Variants in KCNQ1 observed in about 807,000 individuals in gnomAD.
KCNQ1 encodes the protein potassium voltage-gated channel subfamily Q member 1, also known as potassium voltage-gated channel subfamily KQT member 1.
In KCNQ1, 49 loss-of-function variants were observed where a neutral mutation model predicts 72.4. That is an observed-to-expected ratio of 0.68 (90% CI 0.54 to 0.86). KCNQ1 has a LOEUF of 0.86. KCNQ1 is among the 40% of genes least tolerant of loss of function. KCNQ1 has a pLI of 0.00. For synonymous variants in KCNQ1, 450 were observed against 412.6 expected (o/e 1.09, Z -1.10); for missense variants, 790 against 945.1 (o/e 0.84, Z 2.15).
chr11:2,472,536 C>T (rs1846501666), intron 1 of KCNQ1, among the ~76,000 whole-genome samples: 1 of 152,058 alleles, frequency 6.6e-6, no homozygotes, highest in African/African-American at 2.4e-5. Flanking sequence ...GAAGGAGGGT[C>T]GTGGCCTGGG....
In KCNQ1 at chr11:2,662,372, C is replaced by G. The variant is rs113193765; in HGVS notation, c.1514+291C>G. 0.014 allele frequency: 7,594 copies of G among 540,246 alleles called. 425 individuals are homozygous for G. The highest frequency in any genetic ancestry group is 0.12 in the African/African-American group (6,605 of 52,994). 33.5% of individuals were successfully genotyped at this position (540,246 alleles called of 1,614,324 possible). A position where few individuals can be genotyped will look rare whatever the true frequency, so the allele number is the denominator to read the frequency against. On this transcript the variant is annotated intron_variant, in intron 11 of 15. Transcript: ENST00000155840. The stretch of plus-strand genomic sequence containing the variant: ...TGAGAGTCTGAGATTGTTTTTCTCT[C>G]CCCCAGCCCCCTCCCCTGCCCCCCA...
intron 11 of KCNQ1, among the ~76,000 whole-genome samples, chr11:2,760,754 TACTGAAATGGGAA>T (rs562767405): frequency 1.4e-4 from 21 of 152,228 alleles, no homozygotes; most frequent in Non-Finnish European, 2.5e-4. Flanking sequence ...GCATCAGTGC[TACTGAAATGGGAA>T]AGGTTTCCTT....
Position 2,493,340 on chromosome 11 carries a change from A to T in KCNQ1, c.387-34588A>T, listed in dbSNP as rs1232216200. On this transcript the variant is annotated intron_variant, in intron 1 of 15. Transcript: ENST00000155840. The surrounding 1 kb of genome is among the most constrained non-coding windows in gnomAD (Gnocchi z 5.3). ...ATGCTAGCTTCTTTTACTGTGCAGAAGCTCTTTAGTTTAATTAGATCCCAT... is the reference window on the plus strand; with the variant it reads ...ATGCTAGCTTCTTTTACTGTGCAGATGCTCTTTAGTTTAATTAGATCCCAT... 2.0e-5 allele frequency among the ~76,000 whole-genome samples: 3 copies of T among 151,886 alleles called. No individual in the cohort carries two copies. The highest frequency in any genetic ancestry group is 4.4e-5 in the Non-Finnish European group (3 of 67,982).
chr11:2,698,444 AC>A lies in KCNQ1; in HGVS notation c.1514+36365del, dbSNP rs35957135. ...CTTCAAGCCTACTACCCAGACTGAG[AC>A]CTGCATCTGATCAACTCTCATCTCC... On this transcript the variant is annotated intron_variant, in intron 11 of 15. Transcript: ENST00000155840. This position sits in a 1 kb window ranked among gnomAD's most constrained non-coding sequence, Gnocchi z 5.1. The A allele has an allele frequency of 0.36, 144,175 of 398,058 alleles. 30,090 individuals are homozygous for A. Among genetic ancestry groups the A allele is most frequent in the East Asian group, 0.83 (23,265 of 28,040 alleles). The allele number at this position is 398,058 out of a possible 1,614,324, so 24.7% of individuals were successfully genotyped here.
intron 11 of KCNQ1, chr11:2,692,741 C>A (rs529443506): frequency 5.0e-6 from 2 of 398,662 alleles, no homozygotes; most frequent in African/African-American, 4.1e-5. Flanking sequence ...CCTATCAAAT[C>A]CCTCCCTCTG....
At position 2,687,940 on chromosome 11, in the gene KCNQ1, C is replaced by T. The variant is rs1049308490; in HGVS notation, c.1514+25859C>T. On this transcript the variant is annotated intron_variant, in intron 11 of 15. Coordinates refer to ENST00000155840, the MANE Select transcript of KCNQ1 (RefSeq NM_000218.3). The surrounding 1 kb of genome is among the most constrained non-coding windows in gnomAD (Gnocchi z 5.0). Reference sequence around the variant, plus strand: ...CAGTTGTGAGGCTGCACTTCTCCCACCCGCTGTGGGTCAGCCAGGCCGCTG... The same window carrying T: ...CAGTTGTGAGGCTGCACTTCTCCCATCCGCTGTGGGTCAGCCAGGCCGCTG... 3.5e-5 allele frequency: 14 copies of T among 398,666 alleles called. No homozygotes were observed. Among genetic ancestry groups the T allele is most frequent in the Non-Finnish European group, 6.2e-5 (14 of 226,186 alleles). The allele number at this position is 398,666 out of a possible 1,614,324, so 24.7% of individuals were successfully genotyped here. A position where few individuals can be genotyped will look rare whatever the true frequency, so the allele number is the denominator to read the frequency against.
Position 2,475,856 on chromosome 11 carries a change from A to G in KCNQ1, c.386+30372A>G, listed in dbSNP as rs1846561764. ...TTTTGCCTGCCACCATCCACGTAAG[A>G]TGGGACTTGGTCCTCCTTGCCTTCC... On this transcript the variant is annotated intron_variant, in intron 1 of 15. Coordinates refer to ENST00000155840, the MANE Select transcript of KCNQ1 (RefSeq NM_000218.3). The surrounding 1 kb of genome is among the most constrained non-coding windows in gnomAD (Gnocchi z 5.8). Among the ~76,000 whole-genome samples, 1 of 152,190 alleles carries G rather than the reference A, an allele frequency of 6.6e-6. No homozygotes were observed. The highest frequency in any genetic ancestry group is 2.4e-5 in the African/African-American group (1 of 41,448).
intron 11 of KCNQ1, among the ~76,000 whole-genome samples, chr11:2,706,403 T>G (rs1329204333): frequency 6.6e-6 from 1 of 152,184 alleles, no homozygotes; most frequent in African/African-American, 2.4e-5. Context: ...GAGTGGATCC[T>G]CCAGCCCCAG....
In KCNQ1 at chr11:2,510,001, G is replaced by A. The variant is rs1292905300; in HGVS notation, c.387-17927G>A. The stretch of plus-strand genomic sequence containing the variant: ...AAGGCTAATTGGGATCGGTCGTGGT[G>A]CCTCAGGCCTGTCAATCCAGTACAC... On this transcript the variant is annotated intron_variant, in intron 1 of 15. Transcript: ENST00000155840. 2.6e-5 allele frequency among the ~76,000 whole-genome samples: 4 copies of A among 152,146 alleles called. No homozygotes were observed. The East Asian group carries it at 7.7e-4, about 29-fold the overall frequency.
At chr11:2,552,260 C>T (rs147812595) in intron 2 of KCNQ1, among the ~76,000 whole-genome samples, 10 of 152,084 alleles carry the variant, frequency 6.6e-5, no homozygotes, top group East Asian at 1.9e-4. Context: ...TGATTCATTT[C>T]GAGTTTAATT....
In KCNQ1 at chr11:2,670,344, G is replaced by A. The variant is rs1222549388; in HGVS notation, c.1514+8263G>A. The A allele has an allele frequency of 5.0e-6, 2 of 398,438 alleles. No individual in the cohort carries two copies. The highest frequency in any genetic ancestry group is 8.8e-6 in the Non-Finnish European group (2 of 226,084). 24.7% of individuals were successfully genotyped at this position (398,438 alleles called of 1,614,324 possible). A position where few individuals can be genotyped will look rare whatever the true frequency, so the allele number is the denominator to read the frequency against. ...TATGGTAGCAGAGTTCAGACTCAGT[G>A]GCTTTCAGATGGTTAGTATAGGCTG... On this transcript the variant is annotated intron_variant, in intron 11 of 15. Transcript: ENST00000155840. The surrounding 1 kb of genome is among the most constrained non-coding windows in gnomAD (Gnocchi z 4.9).
chr11:2,735,999 G>A lies in KCNQ1; in HGVS notation c.1515-32845G>A, dbSNP rs1845949666. On this transcript the variant is annotated intron_variant, in intron 11 of 15. Transcript: ENST00000155840. The surrounding 1 kb of genome is among the most constrained non-coding windows in gnomAD (Gnocchi z 7.7). Reference sequence around the variant, plus strand: ...CCAGTGTGTCTGGAGCCCCTTCCCTGTGTACAAAGGGACAGAGAAGCGAGG... The same window carrying A: ...CCAGTGTGTCTGGAGCCCCTTCCCTATGTACAAAGGGACAGAGAAGCGAGG... Among the ~76,000 whole-genome samples, 1 of 152,186 alleles carries A rather than the reference G, an allele frequency of 6.6e-6. No homozygotes were observed. The highest frequency in any genetic ancestry group is 2.4e-5 in the African/African-American group (1 of 41,452).
intron 11 of KCNQ1, among the ~76,000 whole-genome samples, chr11:2,714,737 C>T (rs577768965): frequency 3.3e-4 from 50 of 152,108 alleles, no homozygotes; most frequent in Non-Finnish European, 5.1e-4. Context: ...CCCTTGGGGC[C>T]GGGGTGGTAG....
In KCNQ1 at chr11:2,579,383, C is replaced by T. The variant is rs73404690; in HGVS notation, c.922-4052C>T. On this transcript the variant is annotated intron_variant, in intron 6 of 15. Coordinates refer to ENST00000155840, the MANE Select transcript of KCNQ1 (RefSeq NM_000218.3). The surrounding 1 kb of genome is among the most constrained non-coding windows in gnomAD (Gnocchi z 6.0). ...CGTTCCCCGCTCGCCCCCACAGTTC[C>T]TGCCATGGGCGTGACTTTGTGTGCC... Among the ~76,000 whole-genome samples the T allele has an allele frequency of 0.044, 6,762 of 152,274 alleles. 500 individuals carry two copies. Among genetic ancestry groups the T allele is most frequent in the African/African-American group, 0.15 (6,297 of 41,532 alleles).
rs763197403 is a variant in KCNQ1, at chr11:2,588,742, A to G, written c.1281A>G (p.Lys427=). The G allele has an allele frequency of 1.4e-5, 23 of 1,613,692 alleles. No homozygotes were observed. In the East Asian group the frequency reaches 4.7e-4, roughly 33 times the overall value. ...VVKKKKFKLD[K]DNGVTPGEKM... ...AGAAAAAAAAGTTCAAGCTGGACAA[A>G]GACAATGGGGTGACTCCTGGAGAGA... is the stretch of plus-strand genomic sequence containing the variant. Residue 427 remains lysine (K), a synonymous_variant, in exon 10 of 16, where the codon AAA becomes AAG. Transcript: ENST00000155840. The surrounding 1 kb of genome is among the most constrained non-coding windows in gnomAD (Gnocchi z 5.6).
At position 2,515,829 on chromosome 11, in the gene KCNQ1, G is replaced by A. The variant is rs868192089; in HGVS notation, c.387-12099G>A. ...TCCCAGCAGCCCTCGGCCCTGGGGGGCTTGTGCTCTGCCGGGCCACCTGCA... is the reference window on the plus strand; with the variant it reads ...TCCCAGCAGCCCTCGGCCCTGGGGGACTTGTGCTCTGCCGGGCCACCTGCA... On this transcript the variant is annotated intron_variant, in intron 1 of 15. Coordinates refer to ENST00000155840, the MANE Select transcript of KCNQ1 (RefSeq NM_000218.3). This position sits in a 1 kb window ranked among gnomAD's most constrained non-coding sequence, Gnocchi z 4.7. Among the ~76,000 whole-genome samples, 3 of 152,190 alleles carry A rather than the reference G, an allele frequency of 2.0e-5. No homozygotes were observed. Among genetic ancestry groups the A allele is most frequent in the South Asian group, 4.1e-4 (2 of 4,828 alleles).
In KCNQ1 at chr11:2,669,413, G is replaced by A; in HGVS notation, c.1514+7332G>A. 2 of 398,656 alleles carry A rather than the reference G, an allele frequency of 5.0e-6. No individual in the cohort carries two copies. Among genetic ancestry groups the A allele is most frequent in the South Asian group, 1.3e-4 (1 of 7,856 alleles). 24.7% of individuals were successfully genotyped at this position (398,656 alleles called of 1,614,324 possible). On this transcript the variant is annotated intron_variant, in intron 11 of 15. Transcript: ENST00000155840. The surrounding 1 kb of genome is among the most constrained non-coding windows in gnomAD (Gnocchi z 5.6). ...TGAAACATGGCATCATGTGTCCCTT[G>A]TTTATTTAGGTTGACTTTCATATCT...
At chr11:2,454,960 G>A (rs897771232) in intron 1 of KCNQ1, among the ~76,000 whole-genome samples, 1 of 152,050 alleles carries the variant, frequency 6.6e-6, no homozygotes, top group African/African-American at 2.4e-5. Context: ...ATCCAAATAG[G>A]AAAAGAGGAA....
intron 2 of KCNQ1, among the ~76,000 whole-genome samples, chr11:2,558,142 C>T (rs1848099055): frequency 6.6e-6 from 1 of 152,232 alleles, no homozygotes; most frequent in African/African-American, 2.4e-5. Context: ...GAGACGTAGG[C>T]CCCGCTGCCT....
Sources: allele counts gnomAD v4.1 joint callset (sites outside exome capture counted in the v4.1 genomes callset), GRCh38; gene constraint gnomAD v4.1.1; non-coding constraint Gnocchi (gnomAD v3.1); transcripts MANE v1.5; gene names NCBI Gene and HGNC (gene_info 2026-07-23, HGNC 2026-07-21).